PPA2: variants seen among roughly 807,000 people sequenced by gnomAD.
PPA2 encodes the protein inorganic pyrophosphatase 2.
In PPA2, 48 loss-of-function variants were observed where a neutral mutation model predicts 49.5. That is an observed-to-expected ratio of 0.97 (90% CI 0.77 to 1.23). The LOEUF (loss-of-function observed/expected upper bound fraction) is 1.23, where lower values mean the gene tolerates loss of function less well. Among genes scored for constraint, PPA2 ranks in the 50% most tolerant of loss-of-function variants. PPA2 has a pLI of 0.00. For missense variants in PPA2, 429 were observed against 410.1 expected, an observed-to-expected ratio of 1.05 and a Z score of -0.40; for synonymous variants, 131 against 139.9, an observed-to-expected ratio of 0.94 and a Z score of 0.45.
intron 3 of PPA2, among the ~76,000 whole-genome samples, chr4:105,450,173 C>T (rs1017305147): frequency 1.3e-5 from 2 of 152,114 alleles, no homozygotes; most frequent in Non-Finnish European, 2.9e-5. Flanking sequence ...GATTTGCACA[C>T]ATTTTGACAT....
chr4:105,387,114 A>T (rs899019855), intron 9 of PPA2, among the ~76,000 whole-genome samples: 1 of 152,148 alleles, frequency 6.6e-6, no homozygotes. Flanking sequence ...TTGTTTTCTT[A>T]TATGTAGGGA....
At chr4:105,379,873 A>G (rs1049581390) in intron 10 of PPA2, among the ~76,000 whole-genome samples, 1 of 152,080 alleles carries the variant, frequency 6.6e-6, no homozygotes, top group Non-Finnish European at 1.5e-5. Context: ...ACCTCAAGCA[A>G]TCCACCTATC....
chr4:105,395,175 AT>A (rs34510984), intron 9 of PPA2, among the ~76,000 whole-genome samples: 64,336 of 152,020 alleles, frequency 0.42, 14,234 homozygotes, highest in East Asian at 0.68. Context: ...AACAAAGTCA[AT>A]TATCTTCAAT....
In PPA2 at chr4:105,399,119, G is replaced by C; in HGVS notation, c.701C>G (p.Thr234Ser). The C allele has an allele frequency of 6.2e-7, 1 of 1,609,854 alleles. No homozygotes were observed. The highest frequency in any genetic ancestry group is 8.5e-7 in the Non-Finnish European group (1 of 1,178,736). ...KKFKPGYLEA[T>S]LNWFRLYKVP... is the part of the protein sequence containing the mutation. ...CTTATATAATCTAAACCAATTAAGA[G>C]TAGCTTCCAGGTAACCCGGTTTGAA... is the stretch of plus-strand genomic sequence containing the variant. Residue 234 changes from threonine (T) to serine (S), a missense_variant, in exon 8 of 12, where the codon ACT (threonine) becomes AGT (serine). Thr to Ser is a moderately conservative substitution (Grantham distance 58). Transcript: ENST00000341695.
At chr4:105,393,248 C>G (rs1339332427) in intron 9 of PPA2, among the ~76,000 whole-genome samples, 3 of 151,960 alleles carry the variant, frequency 2.0e-5, no homozygotes, top group Non-Finnish European at 4.4e-5. Flanking sequence ...AATCCCAGCA[C>G]TTTGGGAGGC....
rs577737523 is a variant in PPA2 at position 105,396,812 on chromosome 4, T to C, written c.784-478A>G. On this transcript the variant is annotated intron_variant, in intron 8 of 11. Coordinates refer to ENST00000341695, the MANE Select transcript of PPA2 (RefSeq NM_176869.3). ...CCAAGTCACAGAGTTGTTGAAAGAG[T>C]AAGTGAGATGACATATGTAAAGTGC... Among the ~76,000 whole-genome samples the C allele has an allele frequency of 2.5e-4, 38 of 152,160 alleles. 1 individual carries two copies. The highest frequency in any genetic ancestry group is 1.4e-3 in the Admixed American group (22 of 15,290).
chr4:105,378,685 T>G (rs1733356163), intron 10 of PPA2, among the ~76,000 whole-genome samples: 1 of 152,092 alleles, frequency 6.6e-6, no homozygotes, highest in South Asian at 2.1e-4. Flanking sequence ...TAGGTTTAAG[T>G]TTTGTGCCTT....
chr4:105,417,890 G>T (rs1391231915), intron 7 of PPA2, among the ~76,000 whole-genome samples: 1 of 152,146 alleles, frequency 6.6e-6, no homozygotes, highest in Admixed American at 6.5e-5. Flanking sequence ...ATGTAATGCA[G>T]CAATGAAGAA....
At chr4:105,464,903 C>T (rs1032832102) in intron 1 of PPA2, among the ~76,000 whole-genome samples, 5 of 152,230 alleles carry the variant, frequency 3.3e-5, no homozygotes, top group East Asian at 1.9e-4. Flanking sequence ...TATTTCTTAA[C>T]ATCAATAACC....
intron 10 of PPA2, among the ~76,000 whole-genome samples, chr4:105,384,699 G>C (rs975394321): frequency 6.6e-6 from 1 of 152,182 alleles, no homozygotes; most frequent in African/African-American, 2.4e-5. Flanking sequence ...AGAAAATAAT[G>C]TGGCCTGCAT....
chr4:105,378,434 A>G (rs900519817), intron 10 of PPA2, among the ~76,000 whole-genome samples: 15 of 152,060 alleles, frequency 9.9e-5, no homozygotes, highest in African/African-American at 3.1e-4. Context: ...ATTTTTAAAA[A>G]CTGAATGTTT....
chr4:105,456,793 C>T lies in PPA2; in HGVS notation c.158-48G>A, dbSNP rs780740845. 4 of 1,449,750 alleles carry T rather than the reference C, an allele frequency of 2.8e-6. No individual in the cohort carries two copies. The South Asian group carries it at 3.7e-5, about 13-fold the overall frequency. 89.8% of individuals were successfully genotyped at this position (1,449,750 alleles called of 1,614,324 possible). A position where few individuals can be genotyped will look rare whatever the true frequency, so the allele number is the denominator to read the frequency against. Reference sequence around the variant, plus strand: ...AACAAAACAGAATTAAAGCAATAGACACATTGTTCTATACAGCAATAATAA... The same window carrying T: ...AACAAAACAGAATTAAAGCAATAGATACATTGTTCTATACAGCAATAATAA... On this transcript the variant is annotated intron_variant, in intron 1 of 11. Coordinates refer to ENST00000341695, the MANE Select transcript of PPA2 (RefSeq NM_176869.3).
chr4:105,458,819 A>C (rs1421142104), intron 1 of PPA2, among the ~76,000 whole-genome samples: 1 of 63,130 alleles, frequency 1.6e-5, no homozygotes, highest in African/African-American at 1.4e-4. Context: ...CTCCACCTCC[A>C]AAAAAAAAAA....
intron 1 of PPA2, among the ~76,000 whole-genome samples, chr4:105,471,317 C>T (rs1349037718): frequency 6.6e-6 from 1 of 152,142 alleles, no homozygotes; most frequent in East Asian, 1.9e-4. Flanking sequence ...GATACCCTTT[C>T]CCCTAATCAT....
chr4:105,450,412 T>C (rs1296112304), intron 3 of PPA2, among the ~76,000 whole-genome samples: 19 of 151,542 alleles, frequency 1.3e-4, no homozygotes, highest in Non-Finnish European at 2.8e-4. Context: ...AGTCTTACTC[T>C]GTCACCCAGG....
intron 1 of PPA2, among the ~76,000 whole-genome samples, chr4:105,463,155 T>TA (rs1321951155): frequency 2.0e-5 from 3 of 152,186 alleles, no homozygotes; most frequent in African/African-American, 7.2e-5. Flanking sequence ...AGAGACTTGT[T>TA]AAGTGGCTTT....
chr4:105,446,566 T>C lies in PPA2; in HGVS notation c.322-64A>G, dbSNP rs1363607720. ...AGAAATAATTAATTCTATGTCCAAA[T>C]AGTACTTTTAAAAATCTGCTATTTT... On this transcript the variant is annotated intron_variant, in intron 4 of 11. Transcript: ENST00000341695. 6.0e-6 allele frequency: 9 copies of C among 1,497,750 alleles called. No individual in the cohort carries two copies. The East Asian group carries it at 1.7e-4, about 28-fold the overall frequency. The allele number at this position is 1,497,750 out of a possible 1,614,324, so 92.8% of individuals were successfully genotyped here.
chr4:105,403,259 G>A (rs1256823235), intron 7 of PPA2, among the ~76,000 whole-genome samples: 3 of 152,026 alleles, frequency 2.0e-5, no homozygotes, highest in Non-Finnish European at 4.4e-5. Flanking sequence ...TGCCCAGGCT[G>A]GTCTTGAACT....
chr4:105,456,366 AT>A, intron 2 of PPA2: 1 of 434,548 alleles, frequency 2.3e-6, no homozygotes, highest in Non-Finnish European at 4.4e-6. Flanking sequence ...ATAAAAAATA[AT>A]CCACAAACGT....
Sources: gnomAD v4.1 joint callset for allele counts (sites outside exome capture counted in the v4.1 genomes callset) on GRCh38, gnomAD v4.1.1 for gene constraint, MANE v1.5 for transcripts, NCBI Gene and HGNC (gene_info 2026-07-23, HGNC 2026-07-21) for gene names.